UGCG: variants seen among roughly 807,000 people sequenced by gnomAD.
UGCG encodes the protein ceramide glucosyltransferase.
A neutral mutation model predicts 49.5 loss-of-function variants in UGCG; 10 were observed. The ratio of observed to expected loss-of-function variants is 0.20; its 90% CI spans 0.12 to 0.34. The LOEUF (loss-of-function observed/expected upper bound fraction) is 0.34, where lower values mean the gene tolerates loss of function less well. Among genes scored for constraint, UGCG ranks in the 10% least tolerant of loss-of-function variants. The pLI, the probability that UGCG is intolerant of heterozygous loss-of-function variation, is 1.00. For missense variants in UGCG, 312 were observed against 483.7 expected, an observed-to-expected ratio of 0.65 and a Z score of 3.33; for synonymous variants, 182 against 158.2, an observed-to-expected ratio of 1.15 and a Z score of -1.13.
Position 111,897,236 on chromosome 9 carries a change from C to A in UGCG, c.21C>A (p.Ala7=), listed in dbSNP as rs1465985757. The change falls in exon 1 of 9, where the codon GCC becomes GCA. Residue 7 remains alanine (A), a synonymous_variant. Coordinates refer to ENST00000374279, the MANE Select transcript of UGCG (RefSeq NM_003358.3). MALLDL[A]LEGMAVFGFV... ...GGGGGATGGCGCTGCTGGACCTGGC[C>A]TTGGAGGGAATGGCCGTCTTCGGGT... The A allele has an allele frequency of 6.4e-7, 1 of 1,552,022 alleles. No individual in the cohort carries two copies.
chr9:111,901,759 C>G (rs1564196800), intron 1 of UGCG, among the ~76,000 whole-genome samples: 1 of 152,210 alleles, frequency 6.6e-6, no homozygotes, highest in African/African-American at 2.4e-5. Flanking sequence ...TCTATTGATT[C>G]ATTATCCCTG....
At chr9:111,908,025 G>A (rs1489299195) in intron 1 of UGCG, among the ~76,000 whole-genome samples, 1 of 151,484 alleles carries the variant, frequency 6.6e-6, no homozygotes, top group Admixed American at 6.6e-5. Context: ...CTGATTTTTT[G>A]GTTGTTTCAG....
At chr9:111,929,409 C>G in intron 5 of UGCG, 91 bp from the exon 6 acceptor site, 2 of 1,333,674 alleles carry the variant, frequency 1.5e-6, no homozygotes, top group Non-Finnish European at 2.0e-6. Flanking sequence ...CTCAATCATA[C>G]TTATAAAAAA....
chr9:111,932,265 C>T lies in UGCG; in HGVS notation c.920C>T (p.Ala307Val). 1 of 1,614,066 alleles carries T rather than the reference C, an allele frequency of 6.2e-7. No individual in the cohort carries two copies. The highest frequency in any genetic ancestry group is 8.5e-7 in the Non-Finnish European group (1 of 1,179,966). The change falls in exon 8 of 9, where the codon GCC (alanine) becomes GTC (valine). Residue 307 changes from alanine to valine, a missense_variant. Transcript: ENST00000374279. The part of the protein sequence containing the change: ...FVASLIIGWA[A>V]HHVFRWDIMV... ...GCCAGTTTAATTATTGGATGGGCAG[C>T]CCACCATGTGTTCAGATGGGATATT...
intron 3 of UGCG, 88 bp from the exon 4 acceptor site, chr9:111,924,689 G>A (rs781410391): frequency 2.0e-5 from 10 of 507,546 alleles, no homozygotes; most frequent in Admixed American, 8.0e-5. Context: ...AAATATGCAA[G>A]TATTCTCATT....
chr9:111,921,020 AGCC>A (rs762348591), intron 2 of UGCG, among the ~76,000 whole-genome samples: 4 of 152,016 alleles, frequency 2.6e-5, no homozygotes, highest in Non-Finnish European at 5.9e-5. Flanking sequence ...CTCCTGCCTC[AGCC>A]TCCCAAGTAG....
intron 1 of UGCG, among the ~76,000 whole-genome samples, chr9:111,901,646 G>A (rs74509828): frequency 4.6e-5 from 7 of 152,104 alleles, no homozygotes; most frequent in Non-Finnish European, 7.4e-5. Context: ...GTTTACCTAC[G>A]TAACAAACCT....
chr9:111,932,482 G>A (rs369552178), intron 8 of UGCG, 123 bp downstream of exon 8: 8 of 1,053,500 alleles, frequency 7.6e-6, no homozygotes, highest in Admixed American at 2.9e-5. Context: ...GGTTAGTCTC[G>A]GGTTTGAACA....
At chr9:111,927,775 A>G (rs1034220446) in intron 5 of UGCG, among the ~76,000 whole-genome samples, 2 of 152,182 alleles carry the variant, frequency 1.3e-5, no homozygotes, top group Non-Finnish European at 2.9e-5. Context: ...TTAAAAATAA[A>G]CATTGTATCA....
At chr9:111,929,436 G>T in intron 5 of UGCG, 64 bp from the exon 6 acceptor site, 3 of 1,526,370 alleles carry the variant, frequency 2.0e-6, no homozygotes, top group Admixed American at 2.1e-5. Flanking sequence ...GGGAAAAACA[G>T]TTCGTGAACA....
chr9:111,910,517 T>G (rs1837976865), intron 1 of UGCG, among the ~76,000 whole-genome samples: 1 of 152,220 alleles, frequency 6.6e-6, no homozygotes, highest in Non-Finnish European at 1.5e-5. Flanking sequence ...TTTCGTAAAT[T>G]GTGAGTACGT....
At chr9:111,915,445 TTTGTATTAAA>T (rs1381654681) in intron 2 of UGCG, among the ~76,000 whole-genome samples, 1 of 152,226 alleles carries the variant, frequency 6.6e-6, no homozygotes, top group Admixed American at 6.5e-5. Context: ...TTACAGCAGC[TTTGTATTAAA>T]TTGCTTGAGA....
At chr9:111,912,014 A>G (rs1409977809) in intron 1 of UGCG, among the ~76,000 whole-genome samples, 2 of 122,688 alleles carry the variant, frequency 1.6e-5, no homozygotes, top group Non-Finnish European at 3.4e-5. Flanking sequence ...CAGGATACAT[A>G]TATATATTCA....
At chr9:111,906,668 G>A (rs1294637463) in intron 1 of UGCG, among the ~76,000 whole-genome samples, 1 of 151,906 alleles carries the variant, frequency 6.6e-6, no homozygotes, top group Admixed American at 6.6e-5. Flanking sequence ...AACCTCAGGT[G>A]ATCCACCTGC....
chr9:111,901,558 CAAG>C (rs1379597889), intron 1 of UGCG, among the ~76,000 whole-genome samples: 3 of 152,176 alleles, frequency 2.0e-5, no homozygotes, highest in South Asian at 2.1e-4. Flanking sequence ...GGGAGAGCAT[CAAG>C]AAGAATAGTT....
chr9:111,897,794 T>G (rs2131709687), intron 1 of UGCG, among the ~76,000 whole-genome samples: 1 of 151,890 alleles, frequency 6.6e-6, no homozygotes. Flanking sequence ...CTTAGATAGG[T>G]GTGAAGCACC....
At chr9:111,927,747 G>T (rs568516417) in intron 5 of UGCG, among the ~76,000 whole-genome samples, 1 of 152,262 alleles carries the variant, frequency 6.6e-6, no homozygotes, top group African/African-American at 2.4e-5. Flanking sequence ...CACCACGCCC[G>T]GCAGGAAGTT....
chr9:111,919,504 T>C (rs1838177945), intron 2 of UGCG, among the ~76,000 whole-genome samples: 1 of 143,848 alleles, frequency 7.0e-6, no homozygotes, highest in Non-Finnish European at 1.5e-5. Flanking sequence ...TTAAAGATAC[T>C]ATGCTGGCTG....
intron 8 of UGCG, 50 bp downstream of exon 8, chr9:111,932,409 C>G (rs773412990): frequency 6.6e-7 from 1 of 1,519,906 alleles, no homozygotes; most frequent in Non-Finnish European, 8.9e-7. Context: ...GGAACTAGAA[C>G]TATTTCAATT....
Sources: allele counts gnomAD v4.1 joint callset (sites outside exome capture counted in the v4.1 genomes callset), GRCh38; gene constraint gnomAD v4.1.1; transcripts MANE v1.5; gene names NCBI Gene and HGNC (gene_info 2026-07-23, HGNC 2026-07-21).